The following SEC31A variants were observed in gnomAD, a reference collection of about 807,000 sequenced individuals.
SEC31A encodes SEC31 homolog A, COPII component, also known as protein transport protein Sec31A.
In SEC31A, 70 loss-of-function variants were observed where a neutral mutation model predicts 151.0. The observed-to-expected ratio is 0.46, with a 90% CI of 0.38 to 0.57. The LOEUF (loss-of-function observed/expected upper bound fraction) is 0.57, where lower values mean the gene tolerates loss of function less well. SEC31A is among the 20% of genes least tolerant of loss of function. The pLI, the probability that SEC31A is intolerant of heterozygous loss-of-function variation, is 0.00. For missense variants in SEC31A, 1,330 were observed against 1,471.2 expected (o/e 0.90, Z 1.57); for synonymous variants, 475 against 505.9 (o/e 0.94, Z 0.82).
Position 82,848,967 on chromosome 4 carries a change from A to G in SEC31A, c.2339T>C (p.Met780Thr), listed in dbSNP as rs770928244. Residue 780 changes from methionine (M) to threonine (T), a missense_variant, in exon 20 of 27, where the codon ATG (methionine) becomes ACG (threonine). Physicochemically the swap from Met to Thr is moderately conservative, Grantham distance 81. Transcript: ENST00000395310. Reference sequence around the variant, plus strand: ...TCTACAAAGTCTGTCACGAAGCTGCATGATATTTGGCTAAAAAGGATTGGA... The same window carrying G: ...TCTACAAAGTCTGTCACGAAGCTGCGTGATATTTGGCTAAAAAGGATTGGA... ...LPDNTNQPNI[M>T]QLRDRLCRAQ... The G allele has an allele frequency of 6.2e-7, 1 of 1,613,244 alleles. No homozygotes were observed.
chr4:82,893,701 TAC>T, upstream of SEC31A: 1 of 152,284 alleles, frequency 6.6e-6, no homozygotes. Flanking sequence ...TTATAAATGG[TAC>T]ATATTCAAGG....
upstream of SEC31A, chr4:82,895,210 G>A (rs981726411): frequency 3.3e-5 from 5 of 152,184 alleles, no homozygotes; most frequent in Non-Finnish European, 7.3e-5. Context: ...AGCCAGGTGT[G>A]GTGGCTTATG....
At chr4:82,879,579 T>G (rs150024758) in intron 3 of SEC31A, among the ~76,000 whole-genome samples, 1 of 152,184 alleles carries the variant, frequency 6.6e-6, no homozygotes, top group Non-Finnish European at 1.5e-5. Flanking sequence ...TATACGATGA[T>G]ACAGATGGTA....
chr4:82,857,077 C>T lies in SEC31A; in HGVS notation c.1756G>A (p.Val586Ile), dbSNP rs1029843014. 9.3e-6 allele frequency: 15 copies of T among 1,613,770 alleles called. No individual in the cohort carries two copies. The highest frequency in any genetic ancestry group is 3.3e-5 in the Admixed American group (2 of 59,910). The change falls in exon 16 of 27, where the codon GTT (valine) becomes ATT (isoleucine). Residue 586 changes from valine (V) to isoleucine (I), a missense_variant. Val to Ile is a conservative substitution (Grantham distance 29). Transcript: ENST00000395310. ...CGGTTATCATGTAAACAAAGGTCAA[C>T]AGCACTCTCAAAATTGCCCGTCAGC... ...ALLTGNFESAVDLCLHDNRMA... is the reference protein window; with the variant it reads ...ALLTGNFESAIDLCLHDNRMA...
In SEC31A at chr4:82,874,549, C is replaced by T. The variant is rs1204014156; in HGVS notation, c.639+62G>A. ...TTGATTTGTTGTCAACTCTGACAAA[C>T]AATATAGGAATACCTACAGCAGAAA... is the stretch of plus-strand genomic sequence containing the variant. On this transcript the variant is annotated intron_variant, in intron 6 of 26. Coordinates refer to ENST00000395310, the MANE Select transcript of SEC31A (RefSeq NM_001077207.4). 4 of 1,460,016 alleles carry T rather than the reference C, an allele frequency of 2.7e-6. No homozygotes were observed. In the African/African-American group the frequency reaches 5.8e-5, roughly 21 times the overall value. The allele number at this position is 1,460,016 out of a possible 1,614,324, so 90.4% of individuals were successfully genotyped here.
chr4:82,898,901 G>A (rs904045178), intron 3 of SEC31A, among the ~76,000 whole-genome samples: 2 of 151,892 alleles, frequency 1.3e-5, no homozygotes, highest in Admixed American at 6.6e-5. Flanking sequence ...GAAAACATTT[G>A]TCCACACAAA....
chr4:82,823,987 C>A (rs1416259959), intron 25 of SEC31A, among the ~76,000 whole-genome samples: 1 of 152,146 alleles, frequency 6.6e-6, no homozygotes. Flanking sequence ...CTCTGCCTTA[C>A]TTTTCTTGTC....
chr4:82,823,456 C>T (rs1723849553), intron 25 of SEC31A, among the ~76,000 whole-genome samples: 2 of 152,218 alleles, frequency 1.3e-5, no homozygotes, highest in African/African-American at 4.8e-5. Context: ...CTGATACTTT[C>T]AGTACAGAGA....
chr4:82,836,133 G>T lies in SEC31A; in HGVS notation c.2968+6007C>A, dbSNP rs188874155. The stretch of plus-strand genomic sequence containing the variant: ...CTCATGCCTGTAATCCCAGCACTTT[G>T]GGAGGCCAAGGTGGGTGGATCACAA... On this transcript the variant is annotated intron_variant, in intron 22 of 26. Transcript: ENST00000395310. 7.1e-3 allele frequency among the ~76,000 whole-genome samples: 1,080 copies of T among 152,216 alleles called. 16 individuals carry two copies. Among genetic ancestry groups the T allele is most frequent in the African/African-American group, 0.025 (1,027 of 41,546 alleles).
At chr4:82,837,084 C>G (rs1287846841) in intron 22 of SEC31A, among the ~76,000 whole-genome samples, 1 of 146,402 alleles carries the variant, frequency 6.8e-6, no homozygotes, top group Non-Finnish European at 1.5e-5. Context: ...AAAAGTTCTG[C>G]TGGTTGCAAA....
intron 19 of SEC31A, 32 bp from the exon 20 acceptor site, chr4:82,849,009 G>A: frequency 6.3e-7 from 1 of 1,592,102 alleles, no homozygotes; most frequent in Non-Finnish European, 8.6e-7. Context: ...GCAGACTGTT[G>A]AGAGTTCACC....
intron 14 of SEC31A, among the ~76,000 whole-genome samples, chr4:82,859,800 T>A (rs1270617307): frequency 1.4e-4 from 21 of 151,810 alleles, no homozygotes; most frequent in Non-Finnish European, 2.1e-4. Context: ...TATTTTTTTT[T>A]TTTTTTTTTG....
rs1429098619 is a variant in SEC31A at position 82,819,260 on chromosome 4, C to T, written c.3484-7G>A. On this transcript the variant is annotated splice_polypyrimidine_tract_variant and splice_region_variant and intron_variant, in intron 26 of 26. Coordinates refer to ENST00000395310, the MANE Select transcript of SEC31A (RefSeq NM_001077207.4). ...TGGTGATTGTTGGTGAAAGCTGAAA[C>T]AAAAGTGAACCAAGAGAAAGAATTA... The T allele has an allele frequency of 1.3e-6, 2 of 1,549,022 alleles. No individual in the cohort carries two copies. Among genetic ancestry groups the T allele is most frequent in the Admixed American group, 1.9e-5 (1 of 51,936 alleles).
chr4:82,821,505 G>A (rs1377955077), intron 25 of SEC31A: 3 of 123,584 alleles, frequency 2.4e-5, no homozygotes, highest in Non-Finnish European at 4.6e-5. Flanking sequence ...CCGAGATCAC[G>A]CCACTGCACT....
At chr4:82,894,846 T>A, upstream of SEC31A, 1 of 152,242 alleles carries the variant, frequency 6.6e-6, no homozygotes, top group Middle Eastern at 3.2e-3. Context: ...TCAAACTAGA[T>A]CCTGTTCAGA....
intron 1 of SEC31A, among the ~76,000 whole-genome samples, chr4:82,888,145 T>A (rs1160280718): frequency 7.8e-6 from 1 of 128,774 alleles, no homozygotes; most frequent in East Asian, 2.4e-4. Flanking sequence ...GAGGCCGAGG[T>A]GGGCAGATCA....
At chr4:82,846,295 G>A (rs1018216553) in intron 20 of SEC31A, among the ~76,000 whole-genome samples, 8 of 151,170 alleles carry the variant, frequency 5.3e-5, no homozygotes, top group South Asian at 2.1e-4. Context: ...GAGCCACCAC[G>A]CCCGGCCTGT....
intron 10 of SEC31A, 132 bp downstream of exon 10, chr4:82,866,675 TG>T: frequency 1.3e-6 from 1 of 766,816 alleles, no homozygotes; most frequent in Non-Finnish European, 2.0e-6. Context: ...CCATTTTGAA[TG>T]ATGAAATACC....
At chr4:82,841,442 T>TTTTATATATATATATATA (rs1281196101) in intron 22 of SEC31A, among the ~76,000 whole-genome samples, 1 of 64,460 alleles carries the variant, frequency 1.6e-5, no homozygotes, top group Non-Finnish European at 3.8e-5. Flanking sequence ...AAAAAAAATT[T>TTTTATATATATATATATA]TATATATATA....
Sources: allele counts gnomAD v4.1 joint callset (sites outside exome capture counted in the v4.1 genomes callset), GRCh38; gene constraint gnomAD v4.1.1; transcripts MANE v1.5; gene names NCBI Gene and HGNC (gene_info 2026-07-23, HGNC 2026-07-21).